CFAP47: variants seen among roughly 807,000 people sequenced by gnomAD.
The protein encoded by CFAP47 is cilia- and flagella-associated protein 47.
A neutral mutation model predicts 148.1 loss-of-function variants in CFAP47; 29 were observed. That is an observed-to-expected ratio of 0.20 (90% CI 0.15 to 0.27). CFAP47 has a LOEUF of 0.27. Among genes scored for constraint, CFAP47 ranks in the 10% least tolerant of loss-of-function variants. The pLI, the probability that CFAP47 is intolerant of heterozygous loss-of-function variation, is 1.00. For synonymous variants in CFAP47, 664 were observed against 577.3 expected (o/e 1.15, Z -2.15); for missense variants, 1,872 against 1,697.5 (o/e 1.10, Z -1.81).
chrX:36,272,944 G>T (rs1027412852), intron 49 of CFAP47, among the ~76,000 whole-genome samples: 12 of 110,847 alleles, frequency 1.1e-4, no homozygotes, highest in African/African-American at 3.6e-4. Flanking sequence ...CATATTATAT[G>T]CCAGGGAAAT....
At chrX:36,267,165 C>T in intron 49 of CFAP47, among the ~76,000 whole-genome samples, 1 of 111,822 alleles carries the variant, frequency 8.9e-6, no homozygotes, top group East Asian at 2.8e-4. Context: ...TCTTTCTCCT[C>T]ACTGTTCCCT....
chrX:35,941,442 G>A (rs771678251), intron 3 of CFAP47, 44 bp downstream of exon 3: 6 of 700,891 alleles, frequency 8.6e-6, no homozygotes, highest in Non-Finnish European at 1.2e-5. Context: ...TAGAAGAGTT[G>A]GTATTATTTG....
intron 43 of CFAP47, among the ~76,000 whole-genome samples, 178 bp from the exon 44 acceptor site, chrX:36,201,096 T>A (rs1188445303): frequency 9.0e-6 from 1 of 111,711 alleles, no homozygotes; most frequent in Non-Finnish European, 1.9e-5. Flanking sequence ...TCCTGAAAAC[T>A]TGCTCTTTAA....
intron 26 of CFAP47, among the ~76,000 whole-genome samples, chrX:36,054,197 T>A (rs970706519): frequency 8.9e-6 from 1 of 112,175 alleles, no homozygotes; most frequent in African/African-American, 3.2e-5. Context: ...CTCCATCTCA[T>A]CTTCCTCAGA....
chrX:36,263,926 T>C (rs1940859606), intron 49 of CFAP47, among the ~76,000 whole-genome samples: 1 of 111,828 alleles, frequency 8.9e-6, no homozygotes, highest in Non-Finnish European at 1.9e-5. Context: ...ATGTAGTACC[T>C]GGGTATTACT....
intron 39 of CFAP47, among the ~76,000 whole-genome samples, chrX:36,161,850 G>A (rs1939435039): frequency 8.9e-6 from 1 of 112,204 alleles, no homozygotes; most frequent in African/African-American, 3.2e-5. Context: ...TTTTGAAACA[G>A]TGATTGGTAA....
intron 27 of CFAP47, among the ~76,000 whole-genome samples, chrX:36,069,100 C>T (rs1937698455): frequency 9.0e-6 from 1 of 110,648 alleles, no homozygotes; most frequent in Non-Finnish European, 1.9e-5. Context: ...TGGCAATTCT[C>T]ATTTGTGTTC....
chrX:36,248,766 A>G (rs1940655032), intron 48 of CFAP47, among the ~76,000 whole-genome samples: 1 of 111,037 alleles, frequency 9.0e-6, no homozygotes, highest in Non-Finnish European at 1.9e-5. Context: ...ATTCTCCCAG[A>G]TAGACTATGT....
intron 2 of CFAP47, among the ~76,000 whole-genome samples, chrX:35,935,751 A>G (rs774285210): frequency 4.5e-5 from 5 of 110,601 alleles, no homozygotes; most frequent in African/African-American, 6.6e-5. Context: ...CCCCTTCATT[A>G]TCAAACGTAG....
In CFAP47 at chrX:35,989,321, A is replaced by C; in HGVS notation, c.2716A>C (p.Thr906Pro). ...TTTTCTCTCTACATTTTCCGTAGGC[A>C]CTGTTGAAGCATATTCCTCACTGGA... Reference protein sequence around the residue: ...IAFSICPAKGTVEAYSSLECE... With the variant: ...IAFSICPAKGPVEAYSSLECE... Residue 906 changes from threonine to proline, a missense_variant and splice_region_variant, in exon 16 of 64, where the codon ACT (threonine) becomes CCT (proline). Thr to Pro is a conservative substitution (Grantham distance 38, BLOSUM62 -1). Coordinates refer to ENST00000378653, the MANE Select transcript of CFAP47 (RefSeq NM_001304548.2). The C allele has an allele frequency of 8.4e-7, 1 of 1,190,392 alleles. No homozygotes were observed. The highest frequency in any genetic ancestry group is 1.7e-5 in the African/African-American group (1 of 57,536).
At chrX:36,277,075 A>G (rs1283856632) in intron 49 of CFAP47, among the ~76,000 whole-genome samples, 3 of 112,055 alleles carry the variant, frequency 2.7e-5, no homozygotes, top group Admixed American at 9.5e-5. Flanking sequence ...GCTTCTTTGC[A>G]TACAATTTCT....
chrX:36,348,001 G>A (rs946986184), intron 57 of CFAP47, 128 bp from the exon 58 acceptor site: 10 of 314,898 alleles, frequency 3.2e-5, no homozygotes, highest in African/African-American at 8.3e-5. Context: ...TGCATAATGC[G>A]TTTTTTGTTC....
Position 36,236,035 on chromosome X carries a change from G to A in CFAP47, c.7116G>A (p.Glu2372=), listed in dbSNP as rs1237414465. 2.0e-5 allele frequency: 10 copies of A among 511,986 alleles called. No homozygotes were observed. The highest frequency in any genetic ancestry group is 3.2e-5 in the Non-Finnish European group (9 of 282,213). 42.2% of individuals were successfully genotyped at this position (511,986 alleles called of 1,213,427 possible). The change falls in exon 47 of 64, where the codon GAG becomes GAA. Residue 2372 remains glutamate (E), a synonymous_variant. Transcript: ENST00000378653. Reference sequence around the variant, plus strand: ...ATGTTGGACCAGATGAAATTGTGGAGTATCCTCTCACATTCAAACCTATTT... The same window carrying A: ...ATGTTGGACCAGATGAAATTGTGGAATATCCTCTCACATTCAAACCTATTT... ...DLHVGPDEIV[E]YPLTFKPIFE...
chrX:35,928,242 G>A (rs891735321), intron 2 of CFAP47, among the ~76,000 whole-genome samples: 6 of 110,398 alleles, frequency 5.4e-5, no homozygotes, highest in African/African-American at 9.9e-5. Context: ...TTTTCAGAGC[G>A]CCTGTACCAT....
rs1377830789 is a variant in CFAP47 at position 36,280,641 on chromosome X, T to C, written c.7588+11T>C. ...ATGATGCAGACACATGTAAGTTTATTATGACAGAGTTTCACTATTAGTTTG... is the reference window on the plus strand; with the variant it reads ...ATGATGCAGACACATGTAAGTTTATCATGACAGAGTTTCACTATTAGTTTG... On this transcript the variant is annotated intron_variant, in intron 50 of 63. Transcript: ENST00000378653. 1 of 464,947 alleles carries C rather than the reference T, an allele frequency of 2.2e-6. No homozygotes were observed. The highest frequency in any genetic ancestry group is 3.8e-6 in the Non-Finnish European group (1 of 261,836). The allele number at this position is 464,947 out of a possible 1,213,427, so 38.3% of individuals were successfully genotyped here.
intron 51 of CFAP47, among the ~76,000 whole-genome samples, chrX:36,289,978 G>A (rs1329112431): frequency 9.0e-6 from 1 of 110,622 alleles, no homozygotes; most frequent in Non-Finnish European, 1.9e-5. Context: ...AAGGAAGGGT[G>A]CCTTTATTCT....
At chrX:36,020,444 T>C (rs1937144859) in intron 22 of CFAP47, among the ~76,000 whole-genome samples, 1 of 112,013 alleles carries the variant, frequency 8.9e-6, no homozygotes. Flanking sequence ...TTGAAGACTC[T>C]AGCTATTATT....
chrX:36,120,666 G>C (rs1938726526), intron 33 of CFAP47, among the ~76,000 whole-genome samples: 1 of 110,922 alleles, frequency 9.0e-6, no homozygotes, highest in East Asian at 2.8e-4. Flanking sequence ...TATTTGTATA[G>C]TTTCCAAAAT....
intron 15 of CFAP47, among the ~76,000 whole-genome samples, chrX:35,985,720 G>A (rs905162677): frequency 9.0e-6 from 1 of 111,520 alleles, no homozygotes; most frequent in African/African-American, 3.3e-5. Context: ...TGTCCTATGA[G>A]CAAGACAGCC....
Sources: gnomAD v4.1 joint callset for allele counts (sites outside exome capture counted in the v4.1 genomes callset) on GRCh38, gnomAD v4.1.1 for gene constraint, MANE v1.5 for transcripts, NCBI Gene and HGNC (gene_info 2026-07-23, HGNC 2026-07-21) for gene names.